Variants in PCDH15 observed in about 807,000 individuals in gnomAD.
The protein encoded by PCDH15 is protocadherin related 15.
A neutral mutation model predicts 178.5 loss-of-function variants in PCDH15; 129 were observed. The ratio of observed to expected loss-of-function variants is 0.72; its 90% confidence interval spans 0.63 to 0.84. PCDH15 has a LOEUF of 0.84. Ranked by LOEUF, PCDH15 falls within the 40% of genes least tolerant of loss-of-function variation. The pLI is 0.00. For missense variants in PCDH15, 2,230 were observed against 2,099.9 expected (o/e 1.06, Z -1.21); for synonymous variants, 800 against 732.0 (o/e 1.09, Z -1.50).
chr10:54,861,063 C>G (rs1031931162), intron 3 of PCDH15, among the ~76,000 whole-genome samples: 1 of 152,110 alleles, frequency 6.6e-6, no homozygotes, highest in Non-Finnish European at 1.5e-5. Flanking sequence ...TTTCTCTTCT[C>G]TTTAATCTAG....
intron 2 of PCDH15, among the ~76,000 whole-genome samples, chr10:54,991,310 A>T (rs538024490): frequency 1.3e-5 from 2 of 152,288 alleles, no homozygotes; most frequent in African/African-American, 4.8e-5. Flanking sequence ...TCATATAAAT[A>T]TATTGTTCCA....
At chr10:54,831,212 A>G (rs1953221589) in intron 3 of PCDH15, among the ~76,000 whole-genome samples, 1 of 152,126 alleles carries the variant, frequency 6.6e-6, no homozygotes, top group Non-Finnish European at 1.5e-5. Flanking sequence ...TGATCTAACA[A>G]AAAATTAGGT....
chr10:54,571,601 T>C lies in PCDH15; in HGVS notation c.92-43724A>G, dbSNP rs147027191. Among the ~76,000 whole-genome samples, 130 of 152,040 alleles carry C rather than the reference T, an allele frequency of 8.6e-4. 1 individual carries two copies. In the East Asian group the frequency reaches 0.019, roughly 22 times the overall value. On this transcript the variant is annotated intron_variant, in intron 2 of 37. Coordinates refer to ENST00000644397, the MANE Select transcript of PCDH15 (RefSeq NM_001384140.1). ...TGAGCTATATTGAGCTTAAAACATA[T>C]GCTGGAATGGAAATAAAAAAATGAA...
chr10:54,520,032 C>G (rs548210742), intron 3 of PCDH15, among the ~76,000 whole-genome samples: 40 of 152,252 alleles, frequency 2.6e-4, no homozygotes, highest in African/African-American at 8.9e-4. Flanking sequence ...GAAACTGGAT[C>G]CCTTCCTTAC....
chr10:55,403,768 C>T (rs1348473695), intron 2 of PCDH15, among the ~76,000 whole-genome samples: 1 of 151,966 alleles, frequency 6.6e-6, no homozygotes, highest in African/African-American at 2.4e-5. Flanking sequence ...TGCCCCATTT[C>T]TGTTCTTTTT....
rs1019209139 is a variant in PCDH15 at position 53,990,650 on chromosome 10, C to T, written c.2868+4999G>A. 4.0e-5 allele frequency among the ~76,000 whole-genome samples: 6 copies of T among 151,774 alleles called. No homozygotes were observed. The East Asian group carries it at 5.8e-4, about 15-fold the overall frequency. On this transcript the variant is annotated intron_variant, in intron 21 of 37. Transcript: ENST00000644397. ...AATTGTTCATATTGAGAGGTGACAACATGCTGGTGGCCCTCACTTGCTCTC... is the reference window on the plus strand; with the variant it reads ...AATTGTTCATATTGAGAGGTGACAATATGCTGGTGGCCCTCACTTGCTCTC...
At chr10:55,209,045 T>C (rs1347888433) in intron 1 of PCDH15, among the ~76,000 whole-genome samples, 3 of 152,122 alleles carry the variant, frequency 2.0e-5, no homozygotes, top group Non-Finnish European at 4.4e-5. Context: ...GAAGGTTTTC[T>C]TAAGGAAGTG....
At chr10:54,873,971 T>A (rs28673642) in intron 3 of PCDH15, among the ~76,000 whole-genome samples, 109,226 of 146,872 alleles carry the variant, frequency 0.74, 40,960 homozygotes, top group East Asian at 0.89. Flanking sequence ...TTTATTTATT[T>A]ATTTATTATT....
At position 53,803,712 on chromosome 10, in the gene PCDH15, C is replaced by T. The variant is rs1441399870; in HGVS notation, c.*2867G>A. 1 of 151,864 alleles carries T rather than the reference C, an allele frequency of 6.6e-6. No individual in the cohort carries two copies. Among genetic ancestry groups the T allele is most frequent in the African/African-American group, 2.4e-5 (1 of 41,416 alleles). 9.4% of individuals were successfully genotyped at this position (151,864 alleles called of 1,614,324 possible). The stretch of plus-strand genomic sequence containing the variant: ...TCACAAATGTCCTATGTCACTCTGA[C>T]CATATTTTCTCATTCTTCCTCTGCT... On this transcript the variant is annotated 3_prime_UTR_variant, in exon 38 of 38. Transcript: ENST00000644397.
intron 2 of PCDH15, among the ~76,000 whole-genome samples, chr10:55,458,905 T>C: frequency 6.6e-6 from 1 of 151,984 alleles, no homozygotes; most frequent in East Asian, 1.9e-4. Context: ...AGGTGTCTAC[T>C]CAAAAAGTTT....
intron 1 of PCDH15, among the ~76,000 whole-genome samples, chr10:54,796,282 G>GTATCTATCTATC (rs57641746): frequency 0.057 from 7,164 of 125,956 alleles, 276 homozygotes; most frequent in African/African-American, 0.092. Context: ...ATGTATCTAT[G>GTATCTATCTATC]TATCTATCTA....
chr10:54,864,510 T>G (rs1186142120), intron 3 of PCDH15, among the ~76,000 whole-genome samples: 1 of 152,196 alleles, frequency 6.6e-6, no homozygotes, highest in Non-Finnish European at 1.5e-5. Context: ...ATGTACGGTT[T>G]ATTGTTATAT....
At chr10:54,204,971 A>G (rs1564676322) in intron 10 of PCDH15, among the ~76,000 whole-genome samples, 1 of 152,164 alleles carries the variant, frequency 6.6e-6, no homozygotes, top group Non-Finnish European at 1.5e-5. Flanking sequence ...TCTGACATGT[A>G]TCTGCTGTAT....
intron 3 of PCDH15, among the ~76,000 whole-genome samples, chr10:54,868,856 G>C (rs1953985234): frequency 6.6e-6 from 1 of 152,000 alleles, no homozygotes; most frequent in Non-Finnish European, 1.5e-5. Context: ...CTGTTGTCTT[G>C]GTGGACATAT....
At chr10:54,573,737 C>T (rs1221123527) in intron 2 of PCDH15, among the ~76,000 whole-genome samples, 4 of 152,040 alleles carry the variant, frequency 2.6e-5, no homozygotes, top group African/African-American at 4.8e-5. Context: ...CTGGTAATTG[C>T]ATGACTTACC....
At chr10:55,488,673 T>C (rs951257507) in intron 2 of PCDH15, among the ~76,000 whole-genome samples, 6 of 151,570 alleles carry the variant, frequency 4.0e-5, no homozygotes, top group Non-Finnish European at 8.9e-5. Context: ...AAAAAGAAAC[T>C]TAGTTTCATC....
intron 29 of PCDH15, among the ~76,000 whole-genome samples, chr10:53,837,719 T>C (rs2132716279): frequency 6.6e-6 from 1 of 151,892 alleles, no homozygotes; most frequent in East Asian, 1.9e-4. Context: ...TAGATACCAA[T>C]ACTTGGGCAC....
intron 1 of PCDH15, among the ~76,000 whole-genome samples, chr10:55,255,797 G>T (rs1469757192): frequency 1.3e-5 from 2 of 152,006 alleles, no homozygotes; most frequent in African/African-American, 2.4e-5. Context: ...TTTTGTTGGG[G>T]TTGTTTTTTT....
intron 3 of PCDH15, among the ~76,000 whole-genome samples, chr10:54,874,948 A>G (rs1237655009): frequency 1.3e-5 from 2 of 152,140 alleles, no homozygotes; most frequent in Non-Finnish European, 2.9e-5. Flanking sequence ...TTGATTTTAT[A>G]TTGTAGTTAG....
Sources: gnomAD v4.1 joint callset for allele counts (sites outside exome capture counted in the v4.1 genomes callset) on GRCh38, gnomAD v4.1.1 for gene constraint, MANE v1.5 for transcripts, NCBI Gene and HGNC (gene_info 2026-07-23, HGNC 2026-07-21) for gene names.